Variants in RHBDL2 observed in about 807,000 individuals in gnomAD.
RHBDL2 encodes the protein rhomboid like 2.
A neutral mutation model predicts 31.7 loss-of-function variants in RHBDL2; 26 were observed. The observed-to-expected ratio is 0.82, with a 90% CI of 0.60 to 1.14. The LOEUF is 1.14. RHBDL2 is among the 50% of genes most tolerant of loss of function. The pLI is 0.00. For synonymous variants in RHBDL2, 123 were observed against 127.2 expected (o/e 0.97, Z 0.22); for missense variants, 336 against 364.4 (o/e 0.92, Z 0.63).
intron 1 of RHBDL2, among the ~76,000 whole-genome samples, chr1:38,923,266 C>T (rs1643337690): frequency 6.6e-6 from 1 of 152,186 alleles, no homozygotes; most frequent in African/African-American, 2.4e-5. Flanking sequence ...GAAATCCACC[C>T]TTCAAAGGTA....
At chr1:38,935,705 C>G (rs1361352073) in intron 1 of RHBDL2, among the ~76,000 whole-genome samples, 2 of 151,824 alleles carry the variant, frequency 1.3e-5, no homozygotes, top group Admixed American at 1.3e-4. Flanking sequence ...CTCTGCCTCC[C>G]GGGTTCAAGC....
chr1:38,894,426 G>A (rs1161128177), intron 5 of RHBDL2, among the ~76,000 whole-genome samples: 4 of 151,454 alleles, frequency 2.6e-5, no homozygotes, highest in Non-Finnish European at 5.9e-5. Flanking sequence ...GGGTTCAAGC[G>A]ATTCTCCTGC....
intron 4 of RHBDL2, among the ~76,000 whole-genome samples, chr1:38,898,836 T>G (rs752231633): frequency 3.3e-5 from 5 of 152,084 alleles, no homozygotes; most frequent in Non-Finnish European, 7.4e-5. Flanking sequence ...AAAAATGAAG[T>G]GGGAAGACTA....
rs770044222 is a variant in RHBDL2 at position 38,886,611 on chromosome 1, C to T, written c.805G>A (p.Asp269Asn). The part of the protein sequence containing the change: ...SIGYTVFSCF[D>N]KALLKDPRFW... ...CTTGGATCTTTCAGCAGTGCTTTAT[C>T]AAAGCAGCTAAACACCGTGTAGCCA... Residue 269 changes from aspartate (D) to asparagine (N), a missense_variant, in exon 8 of 8, where the codon GAT becomes AAT. Asp to Asn is a conservative substitution (Grantham distance 23, BLOSUM62 1). Coordinates refer to ENST00000372990, the MANE Select transcript of RHBDL2 (RefSeq NM_017821.5). 6.2e-6 allele frequency: 10 copies of T among 1,607,198 alleles called. No individual in the cohort carries two copies. The highest frequency in any genetic ancestry group is 8.5e-6 in the Non-Finnish European group (10 of 1,175,384).
chr1:38,902,423 TA>T (rs1270070888), intron 4 of RHBDL2, among the ~76,000 whole-genome samples: 56 of 59,878 alleles, frequency 9.4e-4, no homozygotes, highest in African/African-American at 2.7e-3. Flanking sequence ...TTTTTTTTAT[TA>T]TTTTTTTTTT....
chr1:38,895,288 T>C (rs1364795139), intron 5 of RHBDL2, among the ~76,000 whole-genome samples: 1 of 152,214 alleles, frequency 6.6e-6, no homozygotes, highest in Non-Finnish European at 1.5e-5. Flanking sequence ...GCCTATGAAG[T>C]AGCCGTTCTT....
intron 4 of RHBDL2, among the ~76,000 whole-genome samples, chr1:38,904,541 A>G (rs1180050564): frequency 6.6e-6 from 1 of 151,830 alleles, no homozygotes; most frequent in African/African-American, 2.4e-5. Flanking sequence ...TTGAAAATGT[A>G]TAAAAGGCCA....
chr1:38,914,961 G>A (rs376813794), intron 3 of RHBDL2, among the ~76,000 whole-genome samples: 4 of 148,566 alleles, frequency 2.7e-5, no homozygotes, highest in African/African-American at 5.0e-5. Flanking sequence ...CCCAGGAGGC[G>A]GAGGTTGCAG....
chr1:38,930,102 C>T (rs778702757), intron 1 of RHBDL2, among the ~76,000 whole-genome samples: 3 of 152,152 alleles, frequency 2.0e-5, no homozygotes, highest in Non-Finnish European at 4.4e-5. Context: ...ATGGTCCACT[C>T]TGCGTCAAAA....
intron 1 of RHBDL2, among the ~76,000 whole-genome samples, chr1:38,922,353 T>C (rs577320830): frequency 1.5e-3 from 179 of 117,618 alleles, no homozygotes; most frequent in Middle Eastern, 7.4e-3. Context: ...TTGCAGCCTC[T>C]ACCTCCCAGG....
Position 38,912,394 on chromosome 1 carries a change from C to T in RHBDL2, c.396-960G>A, listed in dbSNP as rs144427597. ...TGCTGGGATTACACGCATGAGCCAC[C>T]GCGCCTGGCCCGTTTTTTTTTTTTC... On this transcript the variant is annotated intron_variant, in intron 3 of 7. Coordinates refer to ENST00000372990, the MANE Select transcript of RHBDL2 (RefSeq NM_017821.5). Among the ~76,000 whole-genome samples, 486 of 150,810 alleles carry T rather than the reference C, an allele frequency of 3.2e-3. 1 individual carries two copies. Among genetic ancestry groups the T allele is most frequent in the African/African-American group, 0.011 (463 of 41,178 alleles).
chr1:38,928,110 TG>T (rs1337785696), intron 1 of RHBDL2, among the ~76,000 whole-genome samples: 6 of 151,890 alleles, frequency 4.0e-5, no homozygotes, highest in Non-Finnish European at 8.8e-5. Flanking sequence ...ATAAATAAAT[TG>T]AAGATTTTAA....
rs111732889 is a variant in RHBDL2, at chr1:38,925,355, G to A, written c.-125-6018C>T. Among the ~76,000 whole-genome samples, 524 of 151,982 alleles carry A rather than the reference G, an allele frequency of 3.4e-3. 4 individuals are homozygous for A. The highest frequency in any genetic ancestry group is 0.012 in the African/African-American group (495 of 41,430). ...TCTAGCAAAAATACAAAAATTAGCC[G>A]GCAGTGGTGGCATGTGCCTGTAATC... On this transcript the variant is annotated intron_variant, in intron 1 of 7. Coordinates refer to ENST00000372990, the MANE Select transcript of RHBDL2 (RefSeq NM_017821.5).
At chr1:38,915,416 C>T in intron 3 of RHBDL2, 146 bp downstream of exon 3, 1 of 729,022 alleles carries the variant, frequency 1.4e-6, no homozygotes, top group South Asian at 1.9e-5. Flanking sequence ...AGACATAAAA[C>T]AGTGGGAGCA....
chr1:38,926,294 C>T (rs1041773369), intron 1 of RHBDL2: 1 of 843,914 alleles, frequency 1.2e-6, no homozygotes, highest in Non-Finnish European at 1.5e-6. Context: ...GCATCCAACG[C>T]CAGCTGTGGC....
At position 38,920,428 on chromosome 1, in the gene RHBDL2, A is replaced by G. The variant is rs192503561; in HGVS notation, c.-125-1091T>C. ...AGTGATCCACCTGCCTCGGCCTCCC[A>G]AAGTGTTGGGATTACAGGCATGAGC... On this transcript the variant is annotated intron_variant, in intron 1 of 7. Transcript: ENST00000372990. Among the ~76,000 whole-genome samples the G allele has an allele frequency of 6.6e-5, 10 of 151,988 alleles. 1 individual carries two copies. In the East Asian group the frequency reaches 1.9e-3, roughly 29 times the overall value.
At chr1:38,918,072 C>A (rs1643262042) in intron 2 of RHBDL2, among the ~76,000 whole-genome samples, 1 of 152,192 alleles carries the variant, frequency 6.6e-6, no homozygotes, top group African/African-American at 2.4e-5. Context: ...GGGCCTCCAG[C>A]CTGCCAGCCT....
At chr1:38,901,873 A>AAAT (rs1334076025) in intron 4 of RHBDL2, among the ~76,000 whole-genome samples, 7 of 141,968 alleles carry the variant, frequency 4.9e-5, no homozygotes, top group Non-Finnish European at 7.9e-5. Context: ...AATAAATAAA[A>AAAT]CAAAAACTGA....
At chr1:38,937,925 C>T (rs1643526915) in intron 1 of RHBDL2, among the ~76,000 whole-genome samples, 1 of 152,116 alleles carries the variant, frequency 6.6e-6, no homozygotes, top group African/African-American at 2.4e-5. Context: ...GGTGGGGACC[C>T]ATCAGGCCTG....
Sources: gnomAD v4.1 joint callset for allele counts (sites outside exome capture counted in the v4.1 genomes callset) on GRCh38, gnomAD v4.1.1 for gene constraint, MANE v1.5 for transcripts, NCBI Gene and HGNC (gene_info 2026-07-23, HGNC 2026-07-21) for gene names.